The following TMEM121 variants were observed in gnomAD, a reference collection of about 807,000 sequenced individuals.
The protein encoded by TMEM121 is transmembrane protein 121A.
TMEM121 carries 8 observed loss-of-function variants against 16.4 expected under a neutral mutation model. The ratio of observed to expected loss-of-function variants is 0.49; its 90% CI spans 0.29 to 0.88. The LOEUF (loss-of-function observed/expected upper bound fraction) is 0.88, where lower values mean the gene tolerates loss of function less well. Among genes scored for constraint, TMEM121 ranks in the 40% least tolerant of loss-of-function variants. The pLI is 0.09. For synonymous variants in TMEM121, 235 were observed against 226.2 expected (o/e 1.04, Z -0.35); for missense variants, 401 against 462.0 (o/e 0.87, Z 1.21).
chr14:105,527,869 G>A (rs587615171), intron 1 of TMEM121, among the ~76,000 whole-genome samples: 1 of 152,226 alleles, frequency 6.6e-6, no homozygotes, highest in African/African-American at 2.4e-5. Flanking sequence ...GACTCCGACA[G>A]CACGGCCATG....
rs782748427 is a variant in TMEM121, at chr14:105,529,534, G to A, written c.700G>A (p.Ala234Thr). The part of the protein sequence containing the change: ...TVNVVAVLAR[A>T]ANMALFRDSR... ...CAATGTGGTGGCCGTGCTGGCGCGC[G>A]CCGCCAACATGGCGCTGTTCCGGGA... The change falls in exon 2 of 2, where the codon GCC (alanine) becomes ACC (threonine). Residue 234 changes from alanine (A) to threonine (T), a missense_variant. Coordinates refer to ENST00000392519, the MANE Select transcript of TMEM121 (RefSeq NM_025268.4). 1.4e-5 allele frequency: 22 copies of A among 1,541,590 alleles called. No individual in the cohort carries two copies. The highest frequency in any genetic ancestry group is 8.7e-6 in the Non-Finnish European group (10 of 1,146,010).
In TMEM121 at chr14:105,529,139, G is replaced by A. The variant is rs1555444182; in HGVS notation, c.305G>A (p.Arg102His). 5 of 1,602,800 alleles carry A rather than the reference G, an allele frequency of 3.1e-6. No individual in the cohort carries two copies. The highest frequency in any genetic ancestry group is 4.2e-6 in the Non-Finnish European group (5 of 1,176,646). The change falls in exon 2 of 2, where the codon CGC (arginine) becomes CAC (histidine). Residue 102 changes from arginine (R) to histidine (H), a missense_variant. Arg to His is a conservative substitution (Grantham distance 29). Coordinates refer to ENST00000392519, the MANE Select transcript of TMEM121 (RefSeq NM_025268.4). Reference sequence around the variant, plus strand: ...TTCCAGAACTACAAGGCGGCGCGGCGCGGCGCGGCGGACCCCGTGGCGCGC... The same window carrying A: ...TTCCAGAACTACAAGGCGGCGCGGCACGGCGCGGCGGACCCCGTGGCGCGC... ...FIFQNYKAAR[R>H]GAADPVARKA...
In TMEM121 at chr14:105,529,756, C is replaced by G. The variant is rs1555444368; in HGVS notation, c.922C>G (p.His308Asp). Residue 308 changes from histidine (H) to aspartate (D), a missense_variant, in exon 2 of 2, where the codon CAC (histidine) becomes GAC (aspartate). Physicochemically the swap from His to Asp is moderately conservative, Grantham distance 81. Transcript: ENST00000392519. ...PPLHGPPGRPHMSSPTRDPLD... is the reference protein window; with the variant it reads ...PPLHGPPGRPDMSSPTRDPLD... ...GCTGCACGGCCCGCCTGGGCGCCCC[C>G]ACATGTCCTCGCCCACGCGTGACCC... 4 of 1,498,452 alleles carry G rather than the reference C, an allele frequency of 2.7e-6. No individual in the cohort carries two copies. 92.8% of individuals were successfully genotyped at this position (1,498,452 alleles called of 1,614,324 possible).
chr14:105,529,420 T>G lies in TMEM121; in HGVS notation c.586T>G (p.Cys196Gly). The G allele has an allele frequency of 6.5e-7, 1 of 1,545,718 alleles. No homozygotes were observed. Among genetic ancestry groups the G allele is most frequent in the South Asian group, 1.2e-5 (1 of 84,028 alleles). The change falls in exon 2 of 2, where the codon TGC becomes GGC. Residue 196 changes from cysteine (C) to glycine (G), a missense_variant. Coordinates refer to ENST00000392519, the MANE Select transcript of TMEM121 (RefSeq NM_025268.4). Reference protein sequence around the residue: ...YCYMLLLVLPCVALSEVSMQG... With the variant: ...YCYMLLLVLPGVALSEVSMQG... ...CTACATGCTGCTGCTGGTGCTGCCG[T>G]GCGTGGCGCTCAGCGAGGTCAGCAT... is the stretch of plus-strand genomic sequence containing the variant.
Position 105,530,057 on chromosome 14 carries a change from C to G in TMEM121, c.*263C>G. The G allele has an allele frequency of 2.3e-6, 1 of 434,564 alleles. No homozygotes were observed. The highest frequency in any genetic ancestry group is 4.1e-6 in the Non-Finnish European group (1 of 243,822). The allele number at this position is 434,564 out of a possible 1,614,324, so 26.9% of individuals were successfully genotyped here. A position where few individuals can be genotyped will look rare whatever the true frequency, so the allele number is the denominator to read the frequency against. On this transcript the variant is annotated 3_prime_UTR_variant, in exon 2 of 2. Coordinates refer to ENST00000392519, the MANE Select transcript of TMEM121 (RefSeq NM_025268.4). ...CGGAGCAGAGCAGAGGTGATCCGGC[C>G]CCTGCCTGCTGGGCCGCCCGGGTTG...
At chr14:105,527,737 C>CA (rs1298631436) in intron 1 of TMEM121, among the ~76,000 whole-genome samples, 2 of 151,680 alleles carry the variant, frequency 1.3e-5, no homozygotes, top group African/African-American at 2.4e-5. Context: ...AACGGAGCCC[C>CA]AGGCCTGGGG....
Position 105,529,755 on chromosome 14 carries a change from C to G in TMEM121, c.921C>G (p.Pro307=). The change falls in exon 2 of 2, where the codon CCC becomes CCG. Residue 307 remains proline, a synonymous_variant. Transcript: ENST00000392519. Reference sequence around the variant, plus strand: ...CGCTGCACGGCCCGCCTGGGCGCCCCCACATGTCCTCGCCCACGCGTGACC... The same window carrying G: ...CGCTGCACGGCCCGCCTGGGCGCCCGCACATGTCCTCGCCCACGCGTGACC... ...PPPLHGPPGR[P]HMSSPTRDPL... is the part of the protein sequence containing the mutation. 1 of 1,499,158 alleles carries G rather than the reference C, an allele frequency of 6.7e-7. No individual in the cohort carries two copies. The highest frequency in any genetic ancestry group is 8.8e-7 in the Non-Finnish European group (1 of 1,133,408). 92.9% of individuals were successfully genotyped at this position (1,499,158 alleles called of 1,614,324 possible). A position where few individuals can be genotyped will look rare whatever the true frequency, so the allele number is the denominator to read the frequency against.
Position 105,529,890 on chromosome 14 carries a change from C to G in TMEM121, c.*96C>G. 8.1e-7 allele frequency: 1 copy of G among 1,230,864 alleles called. No individual in the cohort carries two copies. Among genetic ancestry groups the G allele is most frequent in the South Asian group, 2.0e-5 (1 of 49,236 alleles). 76.2% of individuals were successfully genotyped at this position (1,230,864 alleles called of 1,614,324 possible). On this transcript the variant is annotated 3_prime_UTR_variant, in exon 2 of 2. Coordinates refer to ENST00000392519, the MANE Select transcript of TMEM121 (RefSeq NM_025268.4). The stretch of plus-strand genomic sequence containing the variant: ...GCATGGGATGGGGTGGGGGCGGGCT[C>G]CCCTAGGGACAGGTGCCTCGAGTGC...
chr14:105,529,809 C>T lies in TMEM121; in HGVS notation c.*15C>T. ...TGGACACGTGACAGGGCCCGCGCGG[C>T]CCCCGACACGCCCCTGGGGCGCAGA... On this transcript the variant is annotated 3_prime_UTR_variant, in exon 2 of 2. Transcript: ENST00000392519. 7.1e-7 allele frequency: 1 copy of T among 1,404,890 alleles called. No individual in the cohort carries two copies. The highest frequency in any genetic ancestry group is 9.2e-7 in the Non-Finnish European group (1 of 1,091,314). 87.0% of individuals were successfully genotyped at this position (1,404,890 alleles called of 1,614,324 possible).
chr14:105,529,789 A>G lies in TMEM121; in HGVS notation c.955A>G (p.Thr319Ala), dbSNP rs2084628687. 2 of 1,442,314 alleles carry G rather than the reference A, an allele frequency of 1.4e-6. No individual in the cohort carries two copies. The highest frequency in any genetic ancestry group is 3.2e-5 in the Admixed American group (1 of 31,690). The allele number at this position is 1,442,314 out of a possible 1,614,324, so 89.3% of individuals were successfully genotyped here. A position where few individuals can be genotyped will look rare whatever the true frequency, so the allele number is the denominator to read the frequency against. The change falls in exon 2 of 2, where the codon ACG (threonine) becomes GCG (alanine). Residue 319 changes from threonine to alanine, a missense_variant. Transcript: ENST00000392519. ...CTCGCCCACGCGTGACCCCCTGGAC[A>G]CGTGACAGGGCCCGCGCGGCCCCCG... ...MSSPTRDPLDT is the reference protein window; with the variant it reads ...MSSPTRDPLDA
In TMEM121 at chr14:105,529,432, A is replaced by G; in HGVS notation, c.598A>G (p.Ser200Gly). 1 of 1,546,238 alleles carries G rather than the reference A, an allele frequency of 6.5e-7. No individual in the cohort carries two copies. Among genetic ancestry groups the G allele is most frequent in the Non-Finnish European group, 8.7e-7 (1 of 1,146,874 alleles). The change falls in exon 2 of 2, where the codon AGC becomes GGC. Residue 200 changes from serine to glycine, a missense_variant. Physicochemically the swap from Ser to Gly is moderately conservative, Grantham distance 56. Coordinates refer to ENST00000392519, the MANE Select transcript of TMEM121 (RefSeq NM_025268.4). ...GCTGGTGCTGCCGTGCGTGGCGCTCAGCGAGGTCAGCATGCAGGGCGAGCA... is the reference window on the plus strand; with the variant it reads ...GCTGGTGCTGCCGTGCGTGGCGCTCGGCGAGGTCAGCATGCAGGGCGAGCA... Reference protein sequence around the residue: ...LLLVLPCVALSEVSMQGEHIA... With the variant: ...LLLVLPCVALGEVSMQGEHIA...
Position 105,526,863 on chromosome 14 carries a change from G to A in TMEM121, c.-114+210G>A, listed in dbSNP as rs1265409477. Reference sequence around the variant, plus strand: ...GGGGGGACAAGCAGAGACGCAGCCTGCTGGGAGCGGCCCAAGCTCTGCACC... The same window carrying A: ...GGGGGGACAAGCAGAGACGCAGCCTACTGGGAGCGGCCCAAGCTCTGCACC... On this transcript the variant is annotated intron_variant, in intron 1 of 1. Coordinates refer to ENST00000392519, the MANE Select transcript of TMEM121 (RefSeq NM_025268.4). The surrounding 1 kb of genome is among the most constrained non-coding windows in gnomAD (Gnocchi z 6.8). Among the ~76,000 whole-genome samples the A allele has an allele frequency of 6.6e-6, 1 of 151,898 alleles. No homozygotes were observed. Among genetic ancestry groups the A allele is most frequent in the Non-Finnish European group, 1.5e-5 (1 of 67,928 alleles).
chr14:105,527,015 C>T (rs2084593443), intron 1 of TMEM121: 1 of 152,266 alleles, frequency 6.6e-6, no homozygotes, highest in Non-Finnish European at 1.5e-5. Context: ...GAGTCTGTGC[C>T]AGGTCTGAGC....
chr14:105,529,692 AC>A lies in TMEM121; in HGVS notation c.863del (p.Pro288ArgfsTer118). On this transcript the variant is annotated frameshift_variant, in exon 2 of 2. Transcript: ENST00000392519. LOFTEE classifies it high-confidence loss of function. Reference sequence around the variant, plus strand: ...CGCTATCACTGGAGCTGCAGCCGCCACCCCCGCAGCGCAACTCGGTGCCGCC... The same window carrying A: ...CGCTATCACTGGAGCTGCAGCCGCCACCCCGCAGCGCAACTCGGTGCCGCC... ...PALSLELQPP[P>X]PQRNSVPPPP... The A allele has an allele frequency of 6.5e-7, 1 of 1,542,532 alleles. No homozygotes were observed. The highest frequency in any genetic ancestry group is 8.7e-7 in the Non-Finnish European group (1 of 1,152,290).
In TMEM121 at chr14:105,529,792, T is replaced by C; in HGVS notation, c.958T>C (p.Ter320ArgextTer34). Residue 320 changes from the stop codon to arginine, a stop_lost, in exon 2 of 2, where the codon TGA (stop) becomes CGA (arginine). Transcript: ENST00000392519. ...GCCCACGCGTGACCCCCTGGACACG[T>C]GACAGGGCCCGCGCGGCCCCCGACA... ...SSPTRDPLDT[*>R] 7.0e-7 allele frequency: 1 copy of C among 1,427,826 alleles called. No homozygotes were observed. The highest frequency in any genetic ancestry group is 9.1e-7 in the Non-Finnish European group (1 of 1,103,338). The allele number at this position is 1,427,826 out of a possible 1,614,324, so 88.4% of individuals were successfully genotyped here.
At position 105,529,511 on chromosome 14, in the gene TMEM121, A is replaced by G. The variant is rs1210034312; in HGVS notation, c.677A>G (p.Asn226Ser). Reference sequence around the variant, plus strand: ...CCGGTGCTCAGCCTCGCCACCGTCAATGTGGTGGCCGTGCTGGCGCGCGCC... The same window carrying G: ...CCGGTGCTCAGCCTCGCCACCGTCAGTGTGGTGGCCGTGCTGGCGCGCGCC... Reference protein sequence around the residue: ...LYPVLSLATVNVVAVLARAAN... With the variant: ...LYPVLSLATVSVVAVLARAAN... The change falls in exon 2 of 2, where the codon AAT becomes AGT. Residue 226 changes from asparagine to serine, a missense_variant. Asn to Ser is a conservative substitution (Grantham distance 46). Coordinates refer to ENST00000392519, the MANE Select transcript of TMEM121 (RefSeq NM_025268.4). The G allele has an allele frequency of 2.6e-6, 4 of 1,541,206 alleles. No individual in the cohort carries two copies. The highest frequency in any genetic ancestry group is 4.9e-5 in the East Asian group (2 of 40,788).
At chr14:105,527,983 CCT>C (rs2084602790) in intron 1 of TMEM121, among the ~76,000 whole-genome samples, 1 of 151,964 alleles carries the variant, frequency 6.6e-6, no homozygotes, top group African/African-American at 2.4e-5. Context: ...CAGGCATCGC[CCT>C]GGCGCAGAGG....
In TMEM121 at chr14:105,529,231, C is replaced by A; in HGVS notation, c.397C>A (p.Arg133Ser). 6.4e-7 allele frequency: 1 copy of A among 1,569,462 alleles called. No individual in the cohort carries two copies. The highest frequency in any genetic ancestry group is 1.2e-5 in the South Asian group (1 of 86,838). ...GTTCCTGCTGCTCGTGGCGCTGGAC[C>A]GCATGGAGTACGTGCGCACCTTCCG... ...GLFLLLVALD[R>S]MEYVRTFRKR... Residue 133 changes from arginine to serine, a missense_variant, in exon 2 of 2, where the codon CGC becomes AGC. Physicochemically the swap from Arg to Ser is moderately radical, Grantham distance 110. Transcript: ENST00000392519.
intron 1 of TMEM121, 113 bp from the exon 2 acceptor site, chr14:105,528,609 C>T: frequency 3.4e-6 from 1 of 294,604 alleles, no homozygotes. Flanking sequence ...TGCCTCGGGG[C>T]CCCGGCGCGG....
Sources: allele counts gnomAD v4.1 joint callset (sites outside exome capture counted in the v4.1 genomes callset), GRCh38; gene constraint gnomAD v4.1.1; non-coding constraint Gnocchi (gnomAD v3.1); transcripts MANE v1.5; gene names NCBI Gene and HGNC (gene_info 2026-07-23, HGNC 2026-07-21).